Variants in TAOK3 observed in about 807,000 individuals in gnomAD.
TAOK3 encodes TAO kinase 3, also known as serine/threonine-protein kinase TAO3.
In TAOK3, 40 loss-of-function variants were observed where a neutral mutation model predicts 120.4. That is an observed-to-expected ratio of 0.33 (90% CI 0.26 to 0.43). The LOEUF (loss-of-function observed/expected upper bound fraction) is 0.43, where lower values mean the gene tolerates loss of function less well. Ranked by LOEUF, TAOK3 falls within the 20% of genes least tolerant of loss-of-function variation. TAOK3 has a pLI of 1.00. For synonymous variants in TAOK3, 355 were observed against 387.5 expected, an observed-to-expected ratio of 0.92 and a Z score of 0.99; for missense variants, 821 against 1,112.1, an observed-to-expected ratio of 0.74 and a Z score of 3.72.
intron 17 of TAOK3, among the ~76,000 whole-genome samples, chr12:118,170,537 A>G (rs1313569944): frequency 6.6e-6 from 1 of 152,188 alleles, no homozygotes; most frequent in African/African-American, 2.4e-5. Context: ...TGAGGCAGGC[A>G]GGTCACTTGA....
chr12:118,353,780 G>T (rs549732009), intron 1 of TAOK3, among the ~76,000 whole-genome samples: 1 of 152,282 alleles, frequency 6.6e-6, no homozygotes, highest in Admixed American at 6.5e-5. Context: ...AATAAGCCAG[G>T]AGCTGGCTAG....
intron 1 of TAOK3, among the ~76,000 whole-genome samples, chr12:118,366,606 C>A (rs2045748084): frequency 6.6e-6 from 1 of 152,112 alleles, no homozygotes; most frequent in Non-Finnish European, 1.5e-5. Context: ...ACTTTGATAA[C>A]TGACTACAAT....
intron 17 of TAOK3, among the ~76,000 whole-genome samples, chr12:118,169,165 C>T (rs2035823638): frequency 6.6e-6 from 1 of 152,066 alleles, no homozygotes; most frequent in South Asian, 2.1e-4. Flanking sequence ...AGGCACCCAC[C>T]ACCACACTTG....
Position 118,189,924 on chromosome 12 carries a change from C to T in TAOK3, c.1212G>A (p.Arg404=). ...VVHKKDHVFI[R]DEAGHGDPRP... ...TGGGATCGCCGTGGCCCGCCTCATC[C>T]CTTATGAATACATGATCCTGCAGAA... The change falls in exon 14 of 21, where the codon AGG becomes AGA. Residue 404 remains arginine (R), a synonymous_variant. Coordinates refer to ENST00000392533, the MANE Select transcript of TAOK3 (RefSeq NM_016281.4). 6.2e-7 allele frequency: 1 copy of T among 1,614,166 alleles called. No individual in the cohort carries two copies. The highest frequency in any genetic ancestry group is 8.5e-7 in the Non-Finnish European group (1 of 1,180,022).
At chr12:118,358,738 A>T (rs1386816399) in intron 1 of TAOK3, among the ~76,000 whole-genome samples, 3 of 152,254 alleles carry the variant, frequency 2.0e-5, no homozygotes. Flanking sequence ...AATTAAATTA[A>T]ATAGAGCACA....
At chr12:118,299,790 G>A (rs370531916) in intron 1 of TAOK3, among the ~76,000 whole-genome samples, 2 of 151,946 alleles carry the variant, frequency 1.3e-5, no homozygotes, top group Non-Finnish European at 2.9e-5. Flanking sequence ...AATTACAGGC[G>A]TGAGCCACCA....
chr12:118,214,469 A>T (rs771270599), intron 9 of TAOK3, among the ~76,000 whole-genome samples: 10 of 152,148 alleles, frequency 6.6e-5, no homozygotes, highest in Non-Finnish European at 1.5e-4. Flanking sequence ...TCTCTCCTTG[A>T]AGTCTGGGTA....
intron 1 of TAOK3, among the ~76,000 whole-genome samples, chr12:118,365,496 TCCTC>T (rs1009346998): frequency 2.0e-5 from 3 of 152,072 alleles, no homozygotes; most frequent in African/African-American, 7.2e-5. Flanking sequence ...AAATCCTCCC[TCCTC>T]CCTCATTAGC....
intron 14 of TAOK3, among the ~76,000 whole-genome samples, chr12:118,188,246 G>C (rs535807557): frequency 1.3e-5 from 2 of 152,300 alleles, no homozygotes; most frequent in Admixed American, 1.3e-4. Flanking sequence ...AGTCTCACAA[G>C]AGTCGATGGT....
chr12:118,331,381 G>A (rs982894643), intron 1 of TAOK3, among the ~76,000 whole-genome samples: 3 of 152,020 alleles, frequency 2.0e-5, no homozygotes, highest in Admixed American at 1.3e-4. Context: ...ATGGTGGCTC[G>A]CACCTGTAAT....
intron 9 of TAOK3, among the ~76,000 whole-genome samples, chr12:118,217,814 TAC>T (rs199762209): frequency 0.28 from 14,477 of 52,060 alleles, 2,639 homozygotes; most frequent in Non-Finnish European, 0.31. Context: ...TGTGTGTGTA[TAC>T]ATATATATAT....
chr12:118,211,017 A>G (rs562211837), intron 11 of TAOK3, among the ~76,000 whole-genome samples: 2 of 152,286 alleles, frequency 1.3e-5, no homozygotes, highest in African/African-American at 2.4e-5. Flanking sequence ...GATTACGGGC[A>G]TGAGCCGCCA....
chr12:118,367,769 AT>A (rs911039943), intron 1 of TAOK3, among the ~76,000 whole-genome samples: 5 of 148,678 alleles, frequency 3.4e-5, no homozygotes, highest in Admixed American at 6.7e-5. Context: ...TCTCCCTTCT[AT>A]TTTTTTTTGG....
At chr12:118,276,500 G>C (rs976103975) in intron 1 of TAOK3, among the ~76,000 whole-genome samples, 5 of 152,158 alleles carry the variant, frequency 3.3e-5, no homozygotes, top group African/African-American at 4.8e-5. Context: ...AGGAGATCAA[G>C]ACCAACCTGG....
intron 8 of TAOK3, among the ~76,000 whole-genome samples, chr12:118,234,217 T>TTTTTTTTTTTTTTTTTTTG (rs2039917514): frequency 2.1e-5 from 1 of 47,202 alleles, no homozygotes; most frequent in African/African-American, 7.1e-5. Context: ...AGGAAATTTT[T>TTTTTTTTTTTTTTTTTTTG]TTTTTTTTTT....
intron 3 of TAOK3, among the ~76,000 whole-genome samples, chr12:118,248,028 T>C (rs2040591069): frequency 2.0e-5 from 3 of 152,134 alleles, no homozygotes; most frequent in Admixed American, 2.0e-4. Context: ...TAAAGTCAGG[T>C]TAACAATTTT....
chr12:118,243,320 T>G lies in TAOK3; in HGVS notation c.294+95A>C, dbSNP rs970345567. 4 of 689,280 alleles carry G rather than the reference T, an allele frequency of 5.8e-6. No homozygotes were observed. The East Asian group carries it at 1.1e-4, about 20-fold the overall frequency. The allele number at this position is 689,280 out of a possible 1,614,324, so 42.7% of individuals were successfully genotyped here. A position where few individuals can be genotyped will look rare whatever the true frequency, so the allele number is the denominator to read the frequency against. ...TAACAAAAGTTAAATGGAACAGAAATGAAATTAGTAATTTTACAGATCAAA... is the reference window on the plus strand; with the variant it reads ...TAACAAAAGTTAAATGGAACAGAAAGGAAATTAGTAATTTTACAGATCAAA... On this transcript the variant is annotated intron_variant, in intron 5 of 20. Transcript: ENST00000392533.
At chr12:118,195,549 T>C (rs1210938444) in intron 13 of TAOK3, among the ~76,000 whole-genome samples, 2 of 152,156 alleles carry the variant, frequency 1.3e-5, no homozygotes, top group Non-Finnish European at 2.9e-5. Flanking sequence ...ACAGAACATT[T>C]GTTGAGCGCT....
intron 1 of TAOK3, among the ~76,000 whole-genome samples, chr12:118,315,514 C>T (rs1324609480): frequency 6.6e-6 from 1 of 151,944 alleles, no homozygotes; most frequent in East Asian, 1.9e-4. Context: ...ATAATATGCA[C>T]CACCTTCAGG....
Sources: gnomAD v4.1 joint callset for allele counts (sites outside exome capture counted in the v4.1 genomes callset) on GRCh38, gnomAD v4.1.1 for gene constraint, MANE v1.5 for transcripts, NCBI Gene and HGNC (gene_info 2026-07-23, HGNC 2026-07-21) for gene names.